RORA: variants seen among roughly 807,000 people sequenced by gnomAD.
RORA encodes RAR related orphan receptor A, also known as nuclear receptor ROR-alpha.
In RORA, 7 loss-of-function variants were observed where a neutral mutation model predicts 69.5. That is an observed-to-expected ratio of 0.10 (90% CI 0.06 to 0.19). The LOEUF is 0.19. Among genes scored for constraint, RORA ranks in the 10% least tolerant of loss-of-function variants. The probability of loss-of-function intolerance (pLI) is 1.00; values close to 1 mark genes in which losing one functional copy is unlikely to be tolerated. For missense variants in RORA, 457 were observed against 663.0 expected (o/e 0.69, Z 3.41); for synonymous variants, 261 against 240.8 (o/e 1.08, Z -0.78).
Position 60,505,726 on chromosome 15 carries a change from A to T in RORA, c.821-97T>A, listed in dbSNP as rs534119947. 1.9e-5 allele frequency: 27 copies of T among 1,393,704 alleles called. 1 individual carries two copies. The South Asian group carries it at 3.2e-4, about 16-fold the overall frequency. The allele number at this position is 1,393,704 out of a possible 1,614,324, so 86.3% of individuals were successfully genotyped here. On this transcript the variant is annotated intron_variant, in intron 5 of 10. Transcript: ENST00000335670. ...TTTAAGAAATAACAAGTAGAAAACA[A>T]TGTGCTGTGCGAGTTTTGACTGTCT...
At chr15:60,826,014 G>A (rs966959139) in intron 1 of RORA, among the ~76,000 whole-genome samples, 3 of 152,140 alleles carry the variant, frequency 2.0e-5, no homozygotes, top group African/African-American at 7.2e-5. Context: ...AGGTAACTCT[G>A]AAAACAATTT....
intron 1 of RORA, among the ~76,000 whole-genome samples, chr15:60,840,387 C>T (rs2073179936): frequency 6.6e-6 from 1 of 152,180 alleles, no homozygotes; most frequent in East Asian, 1.9e-4. Flanking sequence ...GGCAAAATTC[C>T]CCAGGTTCTT....
chr15:61,156,319 A>C (rs551293270), intron 1 of RORA, among the ~76,000 whole-genome samples: 2 of 152,202 alleles, frequency 1.3e-5, no homozygotes, highest in Non-Finnish European at 2.9e-5. Flanking sequence ...CAAATGGTCC[A>C]ATAGTGTGGA....
intron 1 of RORA, among the ~76,000 whole-genome samples, chr15:60,708,924 C>G (rs548652162): frequency 6.6e-6 from 1 of 152,240 alleles, no homozygotes; most frequent in African/African-American, 2.4e-5. Flanking sequence ...TTATTATGAA[C>G]CTCAAATACC....
At position 60,515,908 on chromosome 15, in the gene RORA, A is replaced by G. The variant is rs1241184080; in HGVS notation, c.283-1151T>C. Among the ~76,000 whole-genome samples the G allele has an allele frequency of 4.1e-5, 4 of 97,786 alleles. No homozygotes were observed. The East Asian group carries it at 7.2e-4, about 18-fold the overall frequency. 64.2% of individuals were successfully genotyped at this position (97,786 alleles called of 152,430 possible). On this transcript the variant is annotated intron_variant, in intron 3 of 10. Coordinates refer to ENST00000335670, the MANE Select transcript of RORA (RefSeq NM_134261.3). ...TACATACATATATATATTTATATAT[A>G]TTGTATTTATATATATATTTATATA...
intron 1 of RORA, among the ~76,000 whole-genome samples, chr15:61,075,823 C>A (rs201962352): frequency 1.1e-4 from 17 of 152,200 alleles, no homozygotes; most frequent in African/African-American, 3.9e-4. Flanking sequence ...AACACACACA[C>A]GCAGTGGAGA....
In RORA at chr15:60,515,924, TATTTATATATATA is replaced by T. The variant is rs1567050635; in HGVS notation, c.283-1180_283-1168del. Among the ~76,000 whole-genome samples the T allele has an allele frequency of 1.9e-3, 104 of 55,996 alleles. 3 individuals carry two copies. Among genetic ancestry groups the T allele is most frequent in the African/African-American group, 8.4e-3 (97 of 11,556 alleles). The allele number at this position is 55,996 out of a possible 152,430, so 36.7% of individuals were successfully genotyped here. A position where few individuals can be genotyped will look rare whatever the true frequency, so the allele number is the denominator to read the frequency against. On this transcript the variant is annotated intron_variant, in intron 3 of 10. Coordinates refer to ENST00000335670, the MANE Select transcript of RORA (RefSeq NM_134261.3). ...TTTATATATATTGTATTTATATATATATTTATATATATATTTATATATATTTATATATTTATAT... is the reference window on the plus strand; with the variant it reads ...TTTATATATATTGTATTTATATATATTTTATATATATTTATATATTTATAT...
At position 61,131,111 on chromosome 15, in the gene RORA, G is replaced by C. The variant is rs2079186566; in HGVS notation, c.166+97942C>G. On this transcript the variant is annotated intron_variant, in intron 1 of 10. Transcript: ENST00000335670. This position sits in a 1 kb window ranked among gnomAD's most constrained non-coding sequence, Gnocchi z 4.2. ...GTGAGGCAAAACCCAAGTCACTCAA[G>C]AGTGGGAAGGATTAGCGTGCTATGG... Among the ~76,000 whole-genome samples, 1 of 152,180 alleles carries C rather than the reference G, an allele frequency of 6.6e-6. No individual in the cohort carries two copies. The highest frequency in any genetic ancestry group is 2.1e-4 in the South Asian group (1 of 4,828).
chr15:61,187,533 G>A (rs2079756143), intron 1 of RORA, among the ~76,000 whole-genome samples: 1 of 152,188 alleles, frequency 6.6e-6, no homozygotes, highest in South Asian at 2.1e-4. Flanking sequence ...AAGTGGGCCC[G>A]TGTTATTCAC....
At chr15:61,187,182 T>G (rs1431907376) in intron 1 of RORA, among the ~76,000 whole-genome samples, 1 of 152,254 alleles carries the variant, frequency 6.6e-6, no homozygotes, top group East Asian at 1.9e-4. Context: ...TTAATTAGTT[T>G]TATTAGTGGC....
chr15:61,195,372 A>G (rs1229008340), intron 1 of RORA, among the ~76,000 whole-genome samples: 1 of 151,894 alleles, frequency 6.6e-6, no homozygotes, highest in African/African-American at 2.4e-5. Context: ...CTGCAGGTCT[A>G]GCCAGAGCTC....
At position 60,562,959 on chromosome 15, in the gene RORA, T is replaced by C. The variant is rs927573520; in HGVS notation, c.197-31108A>G. On this transcript the variant is annotated intron_variant, in intron 2 of 10. Coordinates refer to ENST00000335670, the MANE Select transcript of RORA (RefSeq NM_134261.3). ...ATTTCTTCCTTTAAAAATTCACTTG[T>C]AACTGCTGTTAATCCGAGTGTACAA... Among the ~76,000 whole-genome samples the C allele has an allele frequency of 1.2e-4, 19 of 152,212 alleles. 1 individual carries two copies. The highest frequency in any genetic ancestry group is 4.6e-4 in the African/African-American group (19 of 41,454).
intron 1 of RORA, among the ~76,000 whole-genome samples, chr15:60,978,169 CATCATCATCACAATCATCAACATG>C (rs1893932171): frequency 6.6e-6 from 1 of 152,112 alleles, no homozygotes; most frequent in African/African-American, 2.4e-5. Context: ...TCATCAACAT[CATCATCATCACAATCATCAACATG>C]GCCAGCCTAG....
intron 1 of RORA, among the ~76,000 whole-genome samples, chr15:61,133,310 C>A (rs1210940006): frequency 6.6e-6 from 1 of 152,116 alleles, no homozygotes; most frequent in Non-Finnish European, 1.5e-5. Flanking sequence ...AGCCTTGTAA[C>A]CATGGAATAG....
chr15:60,628,460 G>A (rs1320673999), intron 2 of RORA, among the ~76,000 whole-genome samples: 1 of 152,116 alleles, frequency 6.6e-6, no homozygotes, highest in African/African-American at 2.4e-5. Context: ...CAAACTCCTG[G>A]GCTCAAGGGA....
intron 2 of RORA, among the ~76,000 whole-genome samples, chr15:60,675,411 CTCTT>C (rs1310025545): frequency 1.3e-5 from 2 of 152,198 alleles, no homozygotes; most frequent in African/African-American, 2.4e-5. Context: ...ATTAAAAACT[CTCTT>C]TTATGTTTGC....
intron 1 of RORA, among the ~76,000 whole-genome samples, chr15:61,053,268 T>G (rs971985148): frequency 1.3e-5 from 2 of 152,144 alleles, no homozygotes; most frequent in African/African-American, 4.8e-5. Flanking sequence ...AAAACATTTT[T>G]TTTTTTGAAC....
chr15:60,850,912 T>C (rs1164022168), intron 1 of RORA, among the ~76,000 whole-genome samples: 1 of 152,224 alleles, frequency 6.6e-6, no homozygotes, highest in Non-Finnish European at 1.5e-5. Flanking sequence ...ACAAGACTGC[T>C]TTCTGAAAAG....
chr15:60,666,549 T>A (rs2070385542), intron 2 of RORA, among the ~76,000 whole-genome samples: 1 of 152,046 alleles, frequency 6.6e-6, no homozygotes, highest in Non-Finnish European at 1.5e-5. Context: ...GCAATACATT[T>A]TATACTGTCA....
Sources: gnomAD v4.1 joint callset for allele counts (sites outside exome capture counted in the v4.1 genomes callset) on GRCh38, gnomAD v4.1.1 for gene constraint, Gnocchi (gnomAD v3.1) non-coding constraint, MANE v1.5 for transcripts, NCBI Gene and HGNC (gene_info 2026-07-23, HGNC 2026-07-21) for gene names.